Variants in CLDN16 observed in about 807,000 individuals in gnomAD.
The protein encoded by CLDN16 is claudin 16.
In CLDN16, 13 loss-of-function variants were observed where a neutral mutation model predicts 24.6. That is an observed-to-expected ratio of 0.53 (90% CI 0.34 to 0.84). The LOEUF is 0.84. Ranked by LOEUF, CLDN16 falls within the 40% of genes least tolerant of loss-of-function variation. The pLI is 0.01. For missense variants in CLDN16, 298 were observed against 292.7 expected (o/e 1.02, Z -0.13); for synonymous variants, 116 against 106.7 (o/e 1.09, Z -0.54).
intron 1 of CLDN16, among the ~76,000 whole-genome samples, chr3:190,402,083 C>G (rs977680800): frequency 6.6e-6 from 1 of 152,096 alleles, no homozygotes; most frequent in African/African-American, 2.4e-5. Context: ...TTTATCTCTT[C>G]CAGACGTGAC....
At chr3:190,341,134 C>T (rs1717423078) in intron 1 of CLDN16, among the ~76,000 whole-genome samples, 1 of 152,160 alleles carries the variant, frequency 6.6e-6, no homozygotes, top group African/African-American at 2.4e-5. Context: ...AGTGGATCTA[C>T]CATTATGGGG....
intron 1 of CLDN16, among the ~76,000 whole-genome samples, chr3:190,353,556 A>G (rs1025970111): frequency 1.3e-5 from 2 of 152,122 alleles, no homozygotes; most frequent in Non-Finnish European, 2.9e-5. Context: ...GATCAAGATG[A>G]AATAAACACT....
chr3:190,319,428 G>T (rs531018491), upstream of CLDN16, among the ~76,000 whole-genome samples: 1 of 152,184 alleles, frequency 6.6e-6, no homozygotes, highest in East Asian at 1.9e-4. Context: ...TTCATAAACC[G>T]CTTGGCAAGA....
At chr3:190,312,840 G>T in the CLDN16 span, 1 of 1,611,012 alleles carries the variant, frequency 6.2e-7, no homozygotes, top group South Asian at 1.1e-5. Context: ...GAACAGGTTA[G>T]TAAGGTGAAA....
intron 1 of CLDN16, among the ~76,000 whole-genome samples, chr3:190,364,463 GGC>G (rs1201466748): frequency 1.1e-4 from 17 of 151,976 alleles, no homozygotes; most frequent in African/African-American, 3.9e-4. Flanking sequence ...GGGTAGCTCT[GGC>G]CAAATGGTTC....
rs570616277 is a variant in CLDN16, at chr3:190,408,335, C to G, written c.404C>G (p.Ser135Cys). 2 of 1,614,028 alleles carry G rather than the reference C, an allele frequency of 1.2e-6. No homozygotes were observed. Among genetic ancestry groups the G allele is most frequent in the Non-Finnish European group, 1.7e-6 (2 of 1,179,980 alleles). ...TCAGGTACCCCAGGAATCATTGGCT[C>G]TGTGTGGTATGCTGTTGATGTGTAT... ...LIAGTPGIIGSVWYAVDVYVE... is the reference protein window; with the variant it reads ...LIAGTPGIIGCVWYAVDVYVE... Residue 135 changes from serine to cysteine, a missense_variant, in exon 4 of 5, where the codon TCT becomes TGT. By Grantham distance (112) the Ser-to-Cys change is moderately radical. Transcript: ENST00000264734.
intron 1 of CLDN16, among the ~76,000 whole-genome samples, chr3:190,334,084 C>A (rs931225450): frequency 6.6e-5 from 10 of 152,154 alleles, no homozygotes; most frequent in African/African-American, 2.4e-4. Context: ...TCCATTCATT[C>A]ATTTATTGCT....
chr3:190,324,269 G>T (rs1397757126), intron 1 of CLDN16, among the ~76,000 whole-genome samples: 1 of 152,182 alleles, frequency 6.6e-6, no homozygotes, highest in Non-Finnish European at 1.5e-5. Flanking sequence ...GATCACTTGA[G>T]ATCAGGAGTT....
chr3:190,347,891 A>C (rs1469345470), intron 1 of CLDN16, among the ~76,000 whole-genome samples: 1 of 152,020 alleles, frequency 6.6e-6, no homozygotes, highest in African/African-American at 2.4e-5. Context: ...ACAGAAAAAA[A>C]GGTCTGTGGC....
upstream of CLDN16, chr3:190,322,369 G>A: frequency 1.5e-6 from 1 of 682,088 alleles, no homozygotes. Context: ...CTGGGTCGGG[G>A]TTGGGGTCCG....
At chr3:190,337,202 T>C (rs761197795) in intron 1 of CLDN16, among the ~76,000 whole-genome samples, 1 of 152,332 alleles carries the variant, frequency 6.6e-6, no homozygotes, top group South Asian at 2.1e-4. Context: ...TTAGTGTTAC[T>C]TGTAATCCAA....
In CLDN16 at chr3:190,373,783, G is replaced by T. The variant is rs78084722; in HGVS notation, n.231-745G>T. ...AAGAAATTCTTCAGAGCTAGTCAATGATGTAGGAAATATAGATGATAGTGG... is the reference window on the plus strand; with the variant it reads ...AAGAAATTCTTCAGAGCTAGTCAATTATGTAGGAAATATAGATGATAGTGG... On this transcript the variant is annotated intron_variant and non_coding_transcript_variant, in intron 2 of 4. Coordinates refer to the CLDN16 transcript ENST00000468220. 7.6e-3 allele frequency among the ~76,000 whole-genome samples: 1,147 copies of T among 151,630 alleles called. 16 individuals carry two copies. The highest frequency in any genetic ancestry group is 0.027 in the African/African-American group (1,108 of 41,372).
At chr3:190,366,083 A>T (rs567447799) in intron 1 of CLDN16, among the ~76,000 whole-genome samples, 1 of 151,884 alleles carries the variant, frequency 6.6e-6, no homozygotes. Context: ...CTACTTCTCA[A>T]TCAATGCTTT....
intron 4 of CLDN16, among the ~76,000 whole-genome samples, chr3:190,409,316 G>GCACACATGTATATGTATGTATATATA (rs1434548346): frequency 0.013 from 1,940 of 151,140 alleles, 23 homozygotes; most frequent in Middle Eastern, 0.032. Context: ...ATGTATATAT[G>GCACACATGTATATGTATGTATATATA]CACACATGTA....
chr3:190,314,341 T>G, the CLDN16 span, among the ~76,000 whole-genome samples: 25 of 152,218 alleles, frequency 1.6e-4, no homozygotes, highest in Admixed American at 1.6e-3. Flanking sequence ...CTTGATTTAC[T>G]GATTTTCTGT....
the CLDN16 span, among the ~76,000 whole-genome samples, chr3:190,315,039 A>G: frequency 6.6e-6 from 1 of 152,224 alleles, no homozygotes; most frequent in Non-Finnish European, 1.5e-5. Flanking sequence ...AGAGGAAAGT[A>G]CCAAGGGCTC....
At chr3:190,380,173 C>T (rs111548018) in intron 3 of CLDN16, among the ~76,000 whole-genome samples, 431 of 38,816 alleles carry the variant, frequency 0.011, 4 homozygotes, top group African/African-American at 0.037. Flanking sequence ...TTCCTTCCTC[C>T]CTTCCTTCCT....
chr3:190,326,880 G>A (rs1012778644), intron 1 of CLDN16, among the ~76,000 whole-genome samples: 6 of 152,150 alleles, frequency 3.9e-5, no homozygotes, highest in African/African-American at 1.4e-4. Flanking sequence ...GTGTCATTTG[G>A]GGAAGATCCT....
At chr3:190,350,645 T>C (rs1196568484) in intron 1 of CLDN16, among the ~76,000 whole-genome samples, 1 of 152,160 alleles carries the variant, frequency 6.6e-6, no homozygotes, top group African/African-American at 2.4e-5. Context: ...AGAATGCACC[T>C]TCCAGACCTA....
Sources: gnomAD v4.1 joint callset for allele counts (sites outside exome capture counted in the v4.1 genomes callset) on GRCh38, gnomAD v4.1.1 for gene constraint, MANE v1.5 for transcripts, NCBI Gene and HGNC (gene_info 2026-07-23, HGNC 2026-07-21) for gene names.